The following RPS6KC1 variants were observed in gnomAD, a reference collection of about 807,000 sequenced individuals.
RPS6KC1 encodes the protein inactive ribosomal protein S6 kinase delta-1.
In RPS6KC1, 54 loss-of-function variants were observed where a neutral mutation model predicts 103.8. That is an observed-to-expected ratio of 0.52 (90% CI 0.42 to 0.65). The LOEUF (loss-of-function observed/expected upper bound fraction) is 0.65. RPS6KC1 is among the 30% of genes least tolerant of loss of function. The pLI is 0.00. For synonymous variants in RPS6KC1, 439 were observed against 438.7 expected (o/e 1.00, Z -0.01); for missense variants, 1,151 against 1,253.8 (o/e 0.92, Z 1.24).
At chr1:213,247,092 T>C (rs2094465991) in intron 12 of RPS6KC1, among the ~76,000 whole-genome samples, 1 of 152,220 alleles carries the variant, frequency 6.6e-6, no homozygotes, top group Admixed American at 6.5e-5. Context: ...TTTAAATGCT[T>C]GAAATTTACA....
chr1:213,318,141 A>G, the RPS6KC1 span, among the ~76,000 whole-genome samples: 2 of 152,256 alleles, frequency 1.3e-5, no homozygotes, highest in Non-Finnish European at 2.9e-5. Context: ...CTGATTGAAC[A>G]TCAAATAATG....
intron 13 of RPS6KC1, among the ~76,000 whole-genome samples, 168 bp from the exon 14 acceptor site, chr1:213,262,553 A>G (rs1420530700): frequency 2.0e-5 from 3 of 152,182 alleles, no homozygotes; most frequent in Non-Finnish European, 2.9e-5. Context: ...TAAAAGTTCT[A>G]TAGGCTCACA....
At chr1:213,191,046 A>G (rs959695118) in intron 8 of RPS6KC1, among the ~76,000 whole-genome samples, 2 of 152,150 alleles carry the variant, frequency 1.3e-5, no homozygotes, top group African/African-American at 4.8e-5. Context: ...TTTGGTTACT[A>G]TAGCTCTTTA....
chr1:213,346,729 T>C, the RPS6KC1 span, among the ~76,000 whole-genome samples: 1 of 152,226 alleles, frequency 6.6e-6, no homozygotes, highest in Non-Finnish European at 1.5e-5. Context: ...AAAAACTGTA[T>C]GTGCACATGT....
chr1:213,531,497 G>A, the RPS6KC1 span, among the ~76,000 whole-genome samples: 293 of 152,254 alleles, frequency 1.9e-3, no homozygotes, highest in African/African-American at 6.9e-3. Flanking sequence ...AGGAGCCTAC[G>A]GCACAGGTAA....
the RPS6KC1 span, among the ~76,000 whole-genome samples, chr1:213,443,028 A>G: frequency 7.4e-3 from 1,116 of 151,636 alleles, 17 homozygotes; most frequent in African/African-American, 0.026. Flanking sequence ...AGCTGACACT[A>G]TTAGATGCAG....
chr1:213,172,721 G>A (rs926195055), intron 7 of RPS6KC1, among the ~76,000 whole-genome samples: 2 of 152,198 alleles, frequency 1.3e-5, no homozygotes, highest in Non-Finnish European at 2.9e-5. Context: ...GATGCCTGCC[G>A]TGGACTTGAC....
At chr1:213,509,565 A>T in the RPS6KC1 span, among the ~76,000 whole-genome samples, 3 of 152,326 alleles carry the variant, frequency 2.0e-5, no homozygotes, top group Admixed American at 1.3e-4. Context: ...TGTCTGTTGA[A>T]CAAATGCGAA....
the RPS6KC1 span, among the ~76,000 whole-genome samples, chr1:213,458,578 C>T: frequency 1.3e-5 from 2 of 152,064 alleles, no homozygotes; most frequent in African/African-American, 2.4e-5. Context: ...AATCTCCACT[C>T]TTCCTATTTG....
At chr1:213,496,835 C>T in the RPS6KC1 span, among the ~76,000 whole-genome samples, 1 of 152,180 alleles carries the variant, frequency 6.6e-6, no homozygotes, top group African/African-American at 2.4e-5. Context: ...TTGTATCCAT[C>T]TTGCCCCAAC....
At chr1:213,464,669 A>G in the RPS6KC1 span, among the ~76,000 whole-genome samples, 2 of 152,014 alleles carry the variant, frequency 1.3e-5, no homozygotes, top group Non-Finnish European at 2.9e-5. Flanking sequence ...TTTCTATCCC[A>G]TGCAGTTAAG....
chr1:213,602,106 T>TTCTTTC, the RPS6KC1 span, among the ~76,000 whole-genome samples: 56 of 34,660 alleles, frequency 1.6e-3, 3 homozygotes, highest in Non-Finnish European at 2.0e-3. Flanking sequence ...CTTTCTTTCT[T>TTCTTTC]TCTTTCTTTC....
chr1:213,172,790 C>G (rs944469584), intron 7 of RPS6KC1, among the ~76,000 whole-genome samples: 1 of 152,198 alleles, frequency 6.6e-6, no homozygotes, highest in Admixed American at 6.5e-5. Context: ...TCATCATGTA[C>G]TCCTGCCTCT....
chr1:213,632,401 C>T, the RPS6KC1 span, among the ~76,000 whole-genome samples: 14 of 152,286 alleles, frequency 9.2e-5, no homozygotes, highest in African/African-American at 2.6e-4. Flanking sequence ...CCCAGGCAAA[C>T]GGGGTCTGGA....
intron 3 of RPS6KC1, among the ~76,000 whole-genome samples, chr1:213,101,877 C>G (rs566286898): frequency 3.3e-5 from 5 of 152,124 alleles, no homozygotes; most frequent in African/African-American, 9.6e-5. Context: ...GAATAATGAG[C>G]ATTTAATCTA....
At chr1:213,100,180 A>G (rs915870957) in intron 3 of RPS6KC1, among the ~76,000 whole-genome samples, 2 of 152,086 alleles carry the variant, frequency 1.3e-5, no homozygotes, top group Non-Finnish European at 2.9e-5. Context: ...ATGGTATCTT[A>G]TTGTGGTTTT....
chr1:213,851,189 C>A, the RPS6KC1 span, among the ~76,000 whole-genome samples: 1 of 152,058 alleles, frequency 6.6e-6, no homozygotes, highest in South Asian at 2.1e-4. Context: ...TGGAGTCCTC[C>A]CTCCACTTTC....
At chr1:213,055,859 G>A (rs2077293000) in intron 1 of RPS6KC1, among the ~76,000 whole-genome samples, 1 of 152,202 alleles carries the variant, frequency 6.6e-6, no homozygotes, top group Admixed American at 6.5e-5. Context: ...AGTATGAGCA[G>A]TGCTTTGTAA....
At chr1:213,453,941 CG>C in the RPS6KC1 span, among the ~76,000 whole-genome samples, 1 of 152,008 alleles carries the variant, frequency 6.6e-6, no homozygotes, top group African/African-American at 2.4e-5. Context: ...GAAAAACTTG[CG>C]GACAAACCAT....
Sources: gnomAD v4.1 joint callset for allele counts (sites outside exome capture counted in the v4.1 genomes callset) on GRCh38, gnomAD v4.1.1 for gene constraint, MANE v1.5 for transcripts, NCBI Gene and HGNC (gene_info 2026-07-23, HGNC 2026-07-21) for gene names.